The following GUCY1A2 variants were observed in gnomAD, a reference collection of about 807,000 sequenced individuals.
GUCY1A2 encodes the protein guanylate cyclase soluble subunit alpha-2.
In GUCY1A2, 27 loss-of-function variants were observed where a neutral mutation model predicts 63.5. The observed-to-expected ratio is 0.43, with a 90% CI of 0.31 to 0.59. The LOEUF (loss-of-function observed/expected upper bound fraction) is 0.59, where lower values mean the gene tolerates loss of function less well. Among genes scored for constraint, GUCY1A2 ranks in the 20% least tolerant of loss-of-function variants. GUCY1A2 has a pLI of 0.11. For synonymous variants in GUCY1A2, 364 were observed against 343.5 expected (o/e 1.06, Z -0.66); for missense variants, 768 against 913.3 (o/e 0.84, Z 2.05).
intron 1 of GUCY1A2, among the ~76,000 whole-genome samples, chr11:107,007,572 T>A (rs1209504107): frequency 6.6e-6 from 1 of 152,124 alleles, no homozygotes; most frequent in East Asian, 1.9e-4. Flanking sequence ...ATACTCATCT[T>A]CCCAATTTGA....
At chr11:106,791,610 T>C (rs1416159733) in intron 5 of GUCY1A2, among the ~76,000 whole-genome samples, 1 of 152,166 alleles carries the variant, frequency 6.6e-6, no homozygotes, top group African/African-American at 2.4e-5. Context: ...AAGGAGACCA[T>C]CTTAACCCAT....
chr11:106,912,451 A>G (rs1860308169), intron 4 of GUCY1A2, among the ~76,000 whole-genome samples: 1 of 152,068 alleles, frequency 6.6e-6, no homozygotes, highest in Non-Finnish European at 1.5e-5. Context: ...TCTCTTGTTT[A>G]AAAAAATATG....
At chr11:106,764,780 G>C (rs1474400654) in intron 6 of GUCY1A2, among the ~76,000 whole-genome samples, 1 of 151,718 alleles carries the variant, frequency 6.6e-6, no homozygotes, top group Non-Finnish European at 1.5e-5. Context: ...TTCTACTCTG[G>C]GCATTCTCCA....
chr11:106,882,965 T>G, intron 4 of GUCY1A2, among the ~76,000 whole-genome samples: 1 of 152,054 alleles, frequency 6.6e-6, no homozygotes, highest in Non-Finnish European at 1.5e-5. Flanking sequence ...ACATGAAAAT[T>G]GAATTTTGAG....
At chr11:106,791,654 CTA>C (rs1057245141) in intron 5 of GUCY1A2, among the ~76,000 whole-genome samples, 1 of 152,158 alleles carries the variant, frequency 6.6e-6, no homozygotes, top group Non-Finnish European at 1.5e-5. Flanking sequence ...TACGGAATTA[CTA>C]TCTTTTATTT....
chr11:106,832,124 A>T (rs926474727), intron 4 of GUCY1A2, among the ~76,000 whole-genome samples: 2 of 152,190 alleles, frequency 1.3e-5, no homozygotes, highest in African/African-American at 4.8e-5. Flanking sequence ...AGTTGGTTTT[A>T]TGCTCGTTCA....
At chr11:106,734,931 T>C (rs1863563498) in intron 6 of GUCY1A2, among the ~76,000 whole-genome samples, 1 of 152,066 alleles carries the variant, frequency 6.6e-6, no homozygotes, top group African/African-American at 2.4e-5. Context: ...AGGAAAAAGG[T>C]GTGTTTTAGA....
intron 6 of GUCY1A2, among the ~76,000 whole-genome samples, chr11:106,771,266 A>G (rs938891666): frequency 2.6e-5 from 4 of 152,198 alleles, no homozygotes; most frequent in African/African-American, 9.6e-5. Context: ...TATTTTAATC[A>G]AAGTGTGGTT....
intron 6 of GUCY1A2, among the ~76,000 whole-genome samples, chr11:106,765,837 T>A (rs1000669442): frequency 2.0e-5 from 3 of 152,136 alleles, no homozygotes; most frequent in Admixed American, 1.3e-4. Context: ...AATGAGGTTT[T>A]CTAAATTCAT....
chr11:106,845,905 T>G (rs1224308183), intron 4 of GUCY1A2, among the ~76,000 whole-genome samples: 4 of 151,620 alleles, frequency 2.6e-5, no homozygotes, highest in African/African-American at 9.7e-5. Flanking sequence ...AACGAAAAGA[T>G]TTACAGCCAA....
chr11:106,831,514 G>A (rs1250414559), intron 4 of GUCY1A2, among the ~76,000 whole-genome samples: 1 of 152,154 alleles, frequency 6.6e-6, no homozygotes, highest in Non-Finnish European at 1.5e-5. Flanking sequence ...ATAGCAGAAA[G>A]CAAAACGTTA....
At chr11:106,940,473 GCA>G (rs1321316978) in intron 3 of GUCY1A2, among the ~76,000 whole-genome samples, 1 of 152,054 alleles carries the variant, frequency 6.6e-6, no homozygotes, top group Non-Finnish European at 1.5e-5. Flanking sequence ...TGAGCAGAAG[GCA>G]CAGTTATTTC....
chr11:106,959,523 T>A (rs1231719093), intron 3 of GUCY1A2, among the ~76,000 whole-genome samples: 1 of 152,234 alleles, frequency 6.6e-6, no homozygotes, highest in African/African-American at 2.4e-5. Flanking sequence ...CTGGGAGTGT[T>A]TGTAGCTGTC....
intron 5 of GUCY1A2, among the ~76,000 whole-genome samples, chr11:106,804,303 G>T (rs10890596): frequency 0.91 from 139,173 of 152,286 alleles, 63,674 homozygotes; most frequent in East Asian, 1. Flanking sequence ...ACATAAATCT[G>T]AAACAGTGCT....
chr11:106,716,856 C>A (rs537342082), intron 6 of GUCY1A2, among the ~76,000 whole-genome samples: 1 of 151,152 alleles, frequency 6.6e-6, no homozygotes, highest in Non-Finnish European at 1.5e-5. Flanking sequence ...TTTCCCCCAG[C>A]TAGTGCAGGA....
intron 4 of GUCY1A2, among the ~76,000 whole-genome samples, chr11:106,901,319 C>G (rs1332605014): frequency 6.6e-6 from 1 of 152,140 alleles, no homozygotes; most frequent in Non-Finnish European, 1.5e-5. Flanking sequence ...CTATTTTCAC[C>G]AGCATCTGCA....
At chr11:106,769,836 C>A (rs1250189256) in intron 6 of GUCY1A2, among the ~76,000 whole-genome samples, 1 of 151,940 alleles carries the variant, frequency 6.6e-6, no homozygotes, top group Non-Finnish European at 1.5e-5. Flanking sequence ...GTAGTTTTTT[C>A]TGACCCCTTA....
intron 3 of GUCY1A2, among the ~76,000 whole-genome samples, chr11:106,975,586 T>C (rs1044175893): frequency 1.3e-5 from 2 of 152,062 alleles, no homozygotes; most frequent in African/African-American, 2.4e-5. Flanking sequence ...ATCACAGCAA[T>C]TGGCAAAGCA....
intron 4 of GUCY1A2, among the ~76,000 whole-genome samples, chr11:106,848,607 A>G (rs927087711): frequency 6.6e-6 from 1 of 151,790 alleles, no homozygotes; most frequent in African/African-American, 2.4e-5. Context: ...CTGGAGTATT[A>G]TAATTTTTGT....
Sources: allele counts gnomAD v4.1 joint callset (sites outside exome capture counted in the v4.1 genomes callset), GRCh38; gene constraint gnomAD v4.1.1; transcripts MANE v1.5; gene names NCBI Gene and HGNC (gene_info 2026-07-23, HGNC 2026-07-21).